Variants in IKZF1 observed in about 807,000 individuals in gnomAD.
The protein encoded by IKZF1 is DNA-binding protein Ikaros.
A neutral mutation model predicts 51.7 loss-of-function variants in IKZF1; 10 were observed. The ratio of observed to expected loss-of-function variants is 0.19; its 90% CI spans 0.12 to 0.33. The LOEUF (loss-of-function observed/expected upper bound fraction) is 0.33. Ranked by LOEUF, IKZF1 falls within the 10% of genes least tolerant of loss-of-function variation. IKZF1 has a pLI of 1.00. For missense variants in IKZF1, 484 were observed against 707.5 expected (o/e 0.68, Z 3.58); for synonymous variants, 280 against 282.3 (o/e 0.99, Z 0.08).
chr7:50,369,576 C>A, intron 3 of IKZF1: 2 of 398,596 alleles, frequency 5.0e-6, no homozygotes, highest in South Asian at 2.5e-4. Context: ...TTGATGCCTT[C>A]CCCCGCAAAA....
intron 1 of IKZF1, among the ~76,000 whole-genome samples, chr7:50,312,042 T>A (rs1790304979): frequency 6.6e-6 from 1 of 152,198 alleles, no homozygotes; most frequent in South Asian, 2.1e-4. Context: ...AGCTGTAGGT[T>A]CTATTTTCAT....
At chr7:50,313,796 A>C (rs557947628) in intron 1 of IKZF1, among the ~76,000 whole-genome samples, 32 of 152,358 alleles carry the variant, frequency 2.1e-4, no homozygotes, top group African/African-American at 7.0e-4. Flanking sequence ...GTTGAATTCT[A>C]GCTCTACATT....
At chr7:50,381,800 A>G (rs933224996) in intron 4 of IKZF1, among the ~76,000 whole-genome samples, 1 of 152,236 alleles carries the variant, frequency 6.6e-6, no homozygotes, top group Non-Finnish European at 1.5e-5. Context: ...TCTGACTTGT[A>G]TGTCCTGCCA....
intron 6 of IKZF1, among the ~76,000 whole-genome samples, chr7:50,390,912 G>A (rs1450498074): frequency 1.3e-5 from 2 of 152,302 alleles, no homozygotes; most frequent in East Asian, 3.9e-4. Flanking sequence ...GGCAGGAACG[G>A]TATTGGAAGA....
At chr7:50,322,951 G>T (rs1793817388) in intron 2 of IKZF1, among the ~76,000 whole-genome samples, 1 of 151,894 alleles carries the variant, frequency 6.6e-6, no homozygotes, top group African/African-American at 2.4e-5. Flanking sequence ...GTTTTTTTGG[G>T]GATATGGAAA....
intron 1 of IKZF1, among the ~76,000 whole-genome samples, chr7:50,313,081 A>G (rs1374916176): frequency 6.6e-6 from 1 of 152,266 alleles, no homozygotes. Flanking sequence ...CTCTTTGACT[A>G]GATACAAAGA....
chr7:50,347,413 A>C (rs768719163), intron 3 of IKZF1, among the ~76,000 whole-genome samples: 1 of 152,192 alleles, frequency 6.6e-6, no homozygotes, highest in Non-Finnish European at 1.5e-5. Context: ...AAGGAGAAAC[A>C]GTTTACGGTG....
chr7:50,329,557 A>G (rs1278061637), intron 3 of IKZF1, among the ~76,000 whole-genome samples: 1 of 152,270 alleles, frequency 6.6e-6, no homozygotes, highest in Non-Finnish European at 1.5e-5. Flanking sequence ...AAATAAAAAC[A>G]TCAAGTCAAT....
rs770131976 is a variant in IKZF1, at chr7:50,400,067, C to G, written c.1000C>G (p.Pro334Ala). 3 of 1,595,878 alleles carry G rather than the reference C, an allele frequency of 1.9e-6. No homozygotes were observed. The highest frequency in any genetic ancestry group is 8.5e-7 in the Non-Finnish European group (1 of 1,172,476). The change falls in exon 8 of 8, where the codon CCC becomes GCC. Residue 334 changes from proline (P) to alanine (A), a missense_variant. Pro to Ala is a conservative substitution (Grantham distance 27, BLOSUM62 -1). Around this residue, in one of 6 missense-constraint regions of IKZF1, gnomAD observed 172 missense variants for 192.7 expected, o/e 0.89. Coordinates refer to ENST00000331340, the MANE Select transcript of IKZF1 (RefSeq NM_006060.6). The surrounding 1 kb of genome is among the most constrained non-coding windows in gnomAD (Gnocchi z 5.4). Reference protein sequence around the residue: ...AESLRPLVQTPPGGSEVVPVI... With the variant: ...AESLRPLVQTAPGGSEVVPVI... ...GTCCCTGCGCCCGCTGGTGCAGACGCCCCCGGGCGGTTCCGAGGTGGTCCC... is the reference window on the plus strand; with the variant it reads ...GTCCCTGCGCCCGCTGGTGCAGACGGCCCCGGGCGGTTCCGAGGTGGTCCC...
intron 6 of IKZF1, among the ~76,000 whole-genome samples, chr7:50,390,812 T>C (rs750433588): frequency 6.6e-6 from 1 of 152,174 alleles, no homozygotes; most frequent in Admixed American, 6.6e-5. Flanking sequence ...CTTTGAAGAA[T>C]AGACAAACAA....
At chr7:50,336,121 A>G (rs990741590) in intron 3 of IKZF1, among the ~76,000 whole-genome samples, 1 of 152,196 alleles carries the variant, frequency 6.6e-6, no homozygotes, top group Non-Finnish European at 1.5e-5. Flanking sequence ...AAAAGCTTAC[A>G]GTTCCTCAGT....
intron 3 of IKZF1, among the ~76,000 whole-genome samples, chr7:50,359,052 G>C (rs747913113): frequency 1.2e-4 from 18 of 152,104 alleles, no homozygotes; most frequent in African/African-American, 4.3e-4. Flanking sequence ...GTGTGCTCAG[G>C]AGTTTCAGAC....
intron 1 of IKZF1, chr7:50,318,607 A>G (rs1025404085): frequency 1.8e-5 from 4 of 216,772 alleles, no homozygotes; most frequent in Non-Finnish European, 3.7e-5. Context: ...TCGTTTTTTG[A>G]TTGCTGATTG....
rs1818030875 is a variant in IKZF1, at chr7:50,401,045, G to C, written c.*418G>C. On this transcript the variant is annotated 3_prime_UTR_variant, in exon 8 of 8. Transcript: ENST00000331340. ...TTCGCGCACCAGGTGTCTTTTTCCAGTCCCCAGAAGCAGAGAGCACAGCCC... is the reference window on the plus strand; with the variant it reads ...TTCGCGCACCAGGTGTCTTTTTCCACTCCCCAGAAGCAGAGAGCACAGCCC... 1 of 319,196 alleles carries C rather than the reference G, an allele frequency of 3.1e-6. No individual in the cohort carries two copies. Among genetic ancestry groups the C allele is most frequent in the Non-Finnish European group, 5.8e-6 (1 of 171,786 alleles). The allele number at this position is 319,196 out of a possible 1,614,324, so 19.8% of individuals were successfully genotyped here.
intron 7 of IKZF1, among the ~76,000 whole-genome samples, chr7:50,393,456 G>A (rs1431200665): frequency 6.6e-6 from 1 of 152,140 alleles, no homozygotes; most frequent in African/African-American, 2.4e-5. Flanking sequence ...CAGAGGCAAG[G>A]CCAAGTCCTG....
chr7:50,364,847 C>T (rs1806371345), intron 3 of IKZF1, among the ~76,000 whole-genome samples: 1 of 152,176 alleles, frequency 6.6e-6, no homozygotes, highest in Non-Finnish European at 1.5e-5. Context: ...GTGAAGGGTG[C>T]CAGGCTTAGC....
In IKZF1 at chr7:50,399,051, A is replaced by C. The variant is rs113987688; in HGVS notation, c.851-867A>C. 6.8e-4 allele frequency among the ~76,000 whole-genome samples: 104 copies of C among 152,392 alleles called. 1 individual carries two copies. The highest frequency in any genetic ancestry group is 2.5e-3 in the African/African-American group (103 of 41,600). On this transcript the variant is annotated intron_variant, in intron 7 of 7. Transcript: ENST00000331340. ...TGGACTCCTATGAACTGATGATGTT[A>C]GATCAGAAGTTTCTCAAGGCCAGGG... is the stretch of plus-strand genomic sequence containing the variant.
chr7:50,379,885 C>T (rs1031924184), intron 4 of IKZF1, among the ~76,000 whole-genome samples: 2 of 152,206 alleles, frequency 1.3e-5, no homozygotes, highest in African/African-American at 4.8e-5. Context: ...GGGTTCAAAC[C>T]TTCTTACAGA....
At chr7:50,307,700 GA>G (rs1789141196) in intron 1 of IKZF1, among the ~76,000 whole-genome samples, 1 of 152,152 alleles carries the variant, frequency 6.6e-6, no homozygotes, top group Admixed American at 6.5e-5. Context: ...TTCACGTCTT[GA>G]AAACAGATCA....
Sources: gnomAD v4.1 joint callset for allele counts (sites outside exome capture counted in the v4.1 genomes callset) on GRCh38, gnomAD v4.1.1 for gene constraint, gnomAD v4.1.1 regional missense constraint, Gnocchi (gnomAD v3.1) non-coding constraint, MANE v1.5 for transcripts, NCBI Gene and HGNC (gene_info 2026-07-23, HGNC 2026-07-21) for gene names.